Variants in INSC observed in about 807,000 individuals in gnomAD.
The protein encoded by INSC is INSC spindle orientation adaptor protein.
In INSC, 67 loss-of-function variants were observed where a neutral mutation model predicts 58.6. The ratio of observed to expected loss-of-function variants is 1.14; its 90% CI spans 0.94 to 1.40. INSC has a LOEUF of 1.40. INSC is among the 40% of genes most tolerant of loss of function. The probability of loss-of-function intolerance (pLI) is 0.00; values close to 1 mark genes in which losing one functional copy is unlikely to be tolerated. For synonymous variants in INSC, 262 were observed against 276.1 expected (o/e 0.95, Z 0.51); for missense variants, 714 against 692.0 (o/e 1.03, Z -0.36).
intron 2 of INSC, among the ~76,000 whole-genome samples, chr11:15,169,361 C>T (rs539359248): frequency 5.3e-5 from 8 of 152,268 alleles, no homozygotes; most frequent in Admixed American, 1.3e-4. Flanking sequence ...GACTGGTGAC[C>T]GCTTTTCTTT....
chr11:15,212,242 C>G (rs1589975621), intron 7 of INSC, among the ~76,000 whole-genome samples: 1 of 152,176 alleles, frequency 6.6e-6, no homozygotes, highest in East Asian at 1.9e-4. Flanking sequence ...GCTAGGATTA[C>G]AGGTGTGTGC....
intron 9 of INSC, among the ~76,000 whole-genome samples, chr11:15,229,964 ATAT>A (rs1851804911): frequency 8.9e-4 from 14 of 15,694 alleles, no homozygotes; most frequent in African/African-American, 3.4e-3. Context: ...ATATATTTAT[ATAT>A]ATATATATAT....
intron 7 of INSC, among the ~76,000 whole-genome samples, chr11:15,213,460 A>G (rs1481015197): frequency 6.6e-6 from 1 of 152,178 alleles, no homozygotes; most frequent in African/African-American, 2.4e-5. Flanking sequence ...TGTGCCCAGT[A>G]GTGCTTTGCT....
At chr11:15,124,042 T>C (rs1454173562) in intron 1 of INSC, among the ~76,000 whole-genome samples, 1 of 152,214 alleles carries the variant, frequency 6.6e-6, no homozygotes, top group African/African-American at 2.4e-5. Context: ...TACTCTTACA[T>C]TCCTCACTCA....
At chr11:15,122,338 A>G (rs574456841) in intron 1 of INSC, among the ~76,000 whole-genome samples, 1 of 152,290 alleles carries the variant, frequency 6.6e-6, no homozygotes, top group African/African-American at 2.4e-5. Context: ...AGATTGTTTT[A>G]ATTATTCATA....
chr11:15,206,773 A>G (rs1850817611), intron 7 of INSC, among the ~76,000 whole-genome samples: 1 of 152,174 alleles, frequency 6.6e-6, no homozygotes, highest in Admixed American at 6.5e-5. Flanking sequence ...TGGGACTCCC[A>G]CCTTCTTTAT....
upstream of INSC, among the ~76,000 whole-genome samples, chr11:15,114,071 A>G (rs915944248): frequency 4.6e-5 from 7 of 151,636 alleles, no homozygotes; most frequent in Non-Finnish European, 1.0e-4. Flanking sequence ...GACCTCCAAG[A>G]ATAGGTCAAG....
chr11:15,235,778 C>T (rs903159459), intron 10 of INSC, 110 bp downstream of exon 10: 14 of 945,240 alleles, frequency 1.5e-5, no homozygotes, highest in Non-Finnish European at 2.4e-5. Context: ...TACATGTGGC[C>T]GGGCGCAGGA....
At chr11:15,228,229 T>C (rs576089563) in intron 9 of INSC, among the ~76,000 whole-genome samples, 3 of 152,268 alleles carry the variant, frequency 2.0e-5, no homozygotes, top group Middle Eastern at 6.8e-3. Flanking sequence ...ATCTGTAAAA[T>C]GGGCATGACC....
At chr11:15,132,686 T>C (rs1848152172) in intron 1 of INSC, among the ~76,000 whole-genome samples, 1 of 152,240 alleles carries the variant, frequency 6.6e-6, no homozygotes, top group Non-Finnish European at 1.5e-5. Context: ...CCATATGATA[T>C]TACATTCTTT....
At chr11:15,242,796 T>C (rs545336667) in intron 12 of INSC, among the ~76,000 whole-genome samples, 12 of 152,338 alleles carry the variant, frequency 7.9e-5, no homozygotes, top group Non-Finnish European at 1.6e-4. Flanking sequence ...CTGAGCCTCC[T>C]CTCTTGGGTT....
chr11:15,142,976 T>C (rs919389097), intron 1 of INSC, among the ~76,000 whole-genome samples: 12 of 152,286 alleles, frequency 7.9e-5, no homozygotes, highest in African/African-American at 2.4e-4. Context: ...TCTTACTGAA[T>C]ACTCATCACG....
chr11:15,112,285 G>A, upstream of INSC: 1 of 481,780 alleles, frequency 2.1e-6, no homozygotes, highest in Admixed American at 3.8e-5. Context: ...AGGGGGTCGA[G>A]GGGGAGGAAG....
intron 2 of INSC, among the ~76,000 whole-genome samples, chr11:15,165,244 T>G (rs1185462610): frequency 6.6e-6 from 1 of 152,156 alleles, no homozygotes; most frequent in Non-Finnish European, 1.5e-5. Context: ...CTGCCATCTT[T>G]CCAGAATTTT....
chr11:15,261,987 A>T, the INSC span, among the ~76,000 whole-genome samples: 256 of 152,176 alleles, frequency 1.7e-3, no homozygotes, highest in Middle Eastern at 6.8e-3. Flanking sequence ...GACCTCAGGG[A>T]GGGGACAAGT....
intron 7 of INSC, among the ~76,000 whole-genome samples, chr11:15,204,618 A>G (rs1317319710): frequency 6.6e-6 from 1 of 152,208 alleles, no homozygotes; most frequent in Non-Finnish European, 1.5e-5. Flanking sequence ...AAGACCAGGC[A>G]CAGGCCGGAT....
At chr11:15,209,764 T>C (rs1437156329) in intron 7 of INSC, among the ~76,000 whole-genome samples, 1 of 152,118 alleles carries the variant, frequency 6.6e-6, no homozygotes, top group Non-Finnish European at 1.5e-5. Context: ...AGAGGTGAAA[T>C]GATGTGCACA....
intron 7 of INSC, among the ~76,000 whole-genome samples, chr11:15,206,728 C>T (rs1390396671): frequency 6.6e-6 from 1 of 152,170 alleles, no homozygotes; most frequent in Non-Finnish European, 1.5e-5. Flanking sequence ...CAAGTCACTT[C>T]TCCTGTCTGA....
intron 7 of INSC, among the ~76,000 whole-genome samples, chr11:15,203,452 G>A (rs560750733): frequency 2.2e-4 from 33 of 152,340 alleles, no homozygotes; most frequent in African/African-American, 7.7e-4. Context: ...TGAGTGATCA[G>A]AAATAACAAC....
Sources: allele counts gnomAD v4.1 joint callset (sites outside exome capture counted in the v4.1 genomes callset), GRCh38; gene constraint gnomAD v4.1.1; transcripts MANE v1.5; gene names NCBI Gene and HGNC (gene_info 2026-07-23, HGNC 2026-07-21).